The following GRK5 variants were observed in gnomAD, a reference collection of about 807,000 sequenced individuals.
GRK5 encodes g protein-coupled receptor kinase GRK5.
GRK5 carries 40 observed loss-of-function variants against 78.4 expected under a neutral mutation model. That is an observed-to-expected ratio of 0.51 (90% CI 0.40 to 0.66). GRK5 has a LOEUF of 0.66. Among genes scored for constraint, GRK5 ranks in the 30% least tolerant of loss-of-function variants. GRK5 has a pLI of 0.00. For missense variants in GRK5, 598 were observed against 759.9 expected (o/e 0.79, Z 2.50); for synonymous variants, 289 against 296.8 (o/e 0.97, Z 0.27).
At chr10:119,424,786 A>G (rs925283844) in intron 5 of GRK5, among the ~76,000 whole-genome samples, 1 of 152,146 alleles carries the variant, frequency 6.6e-6, no homozygotes, top group Non-Finnish European at 1.5e-5. Flanking sequence ...AGTGCCCAAC[A>G]CTTGGCAGGT....
chr10:119,361,866 C>T (rs1333988891), intron 2 of GRK5, among the ~76,000 whole-genome samples: 1 of 149,146 alleles, frequency 6.7e-6, no homozygotes, highest in East Asian at 2.0e-4. Flanking sequence ...GAGGCTGAGG[C>T]AGGAGAATTG....
In GRK5 at chr10:119,253,548, G is replaced by C. The variant is rs184218746; in HGVS notation, c.52+45579G>C. ...GCTTAGGGTGCTGTGATATGCTTGCGGGATGCTGCCCCACCACGGCTGGAA... is the reference window on the plus strand; with the variant it reads ...GCTTAGGGTGCTGTGATATGCTTGCCGGATGCTGCCCCACCACGGCTGGAA... On this transcript the variant is annotated intron_variant, in intron 1 of 15. Coordinates refer to ENST00000392870, the MANE Select transcript of GRK5 (RefSeq NM_005308.3). The surrounding 1 kb of genome is among the most constrained non-coding windows in gnomAD (Gnocchi z 5.7). 2.5e-3 allele frequency among the ~76,000 whole-genome samples: 380 copies of C among 152,298 alleles called. 2 individuals are homozygous for C. Among genetic ancestry groups the C allele is most frequent in the African/African-American group, 8.5e-3 (353 of 41,568 alleles).
At chr10:119,327,582 G>A (rs559515048) in intron 2 of GRK5, among the ~76,000 whole-genome samples, 2 of 152,318 alleles carry the variant, frequency 1.3e-5, no homozygotes, top group South Asian at 2.1e-4. Context: ...GAGCTGCCCC[G>A]TGCCTGCCCT....
intron 4 of GRK5, among the ~76,000 whole-genome samples, chr10:119,405,318 A>C (rs2133863726): frequency 6.6e-6 from 1 of 152,250 alleles, no homozygotes; most frequent in South Asian, 2.1e-4. Context: ...GTCTGCAGGC[A>C]GGATATTGTT....
intron 1 of GRK5, among the ~76,000 whole-genome samples, chr10:119,263,845 A>G (rs1454716949): frequency 6.6e-6 from 1 of 152,168 alleles, no homozygotes; most frequent in Non-Finnish European, 1.5e-5. Flanking sequence ...GGAGAATGGC[A>G]TGAACCCAGG....
At chr10:119,332,891 A>G (rs1437061505) in intron 2 of GRK5, among the ~76,000 whole-genome samples, 1 of 152,220 alleles carries the variant, frequency 6.6e-6, no homozygotes, top group Non-Finnish European at 1.5e-5. Context: ...GAAGCCTTCT[A>G]AAAAGGAACC....
chr10:119,416,402 A>G (rs1348782013), intron 4 of GRK5, among the ~76,000 whole-genome samples: 5 of 152,322 alleles, frequency 3.3e-5, no homozygotes, highest in East Asian at 3.9e-4. Flanking sequence ...CATTCCTGCC[A>G]GCCGTTCCTG....
chr10:119,256,643 G>A (rs555959624), intron 1 of GRK5, among the ~76,000 whole-genome samples: 4 of 100,364 alleles, frequency 4.0e-5, no homozygotes, highest in South Asian at 3.7e-4. Flanking sequence ...CCCCTCACCC[G>A]TCGCCTCTTT....
At chr10:119,239,971 A>G (rs1283584557) in intron 1 of GRK5, among the ~76,000 whole-genome samples, 1 of 152,140 alleles carries the variant, frequency 6.6e-6, no homozygotes, top group Non-Finnish European at 1.5e-5. Flanking sequence ...CAGTGCTGCA[A>G]TAAACATACG....
intron 2 of GRK5, among the ~76,000 whole-genome samples, chr10:119,342,002 A>G (rs746886845): frequency 7.9e-5 from 12 of 152,156 alleles, no homozygotes; most frequent in African/African-American, 7.2e-5. Flanking sequence ...TCCGACCTCA[A>G]TGGGAGGCGT....
chr10:119,255,222 G>T (rs1849262529), intron 1 of GRK5, among the ~76,000 whole-genome samples: 1 of 152,080 alleles, frequency 6.6e-6, no homozygotes, highest in African/African-American at 2.4e-5. Context: ...CCAGGGAGGG[G>T]TGTGGCACAG....
chr10:119,227,010 C>T (rs1848751115), intron 1 of GRK5, among the ~76,000 whole-genome samples: 1 of 152,128 alleles, frequency 6.6e-6, no homozygotes, highest in African/African-American at 2.4e-5. Context: ...ATGCGCCCGC[C>T]AGCACATCTG....
intron 2 of GRK5, among the ~76,000 whole-genome samples, chr10:119,380,323 G>A (rs189425985): frequency 5.9e-5 from 9 of 152,166 alleles, no homozygotes; most frequent in African/African-American, 1.7e-4. Flanking sequence ...TCCTCATCGC[G>A]GCTTTTCTTG....
At position 119,397,084 on chromosome 10, in the gene GRK5, T is replaced by G. The variant is rs535704210; in HGVS notation, c.339+312T>G. On this transcript the variant is annotated intron_variant, in intron 4 of 15. Transcript: ENST00000392870. ...ATTTGTGGTAGGGCAGATGGAGGCC[T>G]GGCCAAGTTCAGGAGAAGTGCCCAG... 2.4e-4 allele frequency among the ~76,000 whole-genome samples: 36 copies of G among 152,318 alleles called. 1 individual carries two copies. In the South Asian group the frequency reaches 7.2e-3, roughly 31 times the overall value.
Position 119,324,362 on chromosome 10 carries a change from C to T in GRK5, c.53-2154C>T, listed in dbSNP as rs538153739. Among the ~76,000 whole-genome samples the T allele has an allele frequency of 3.3e-5, 5 of 152,342 alleles. No homozygotes were observed. The South Asian group carries it at 1.0e-3, about 32-fold the overall frequency. On this transcript the variant is annotated intron_variant, in intron 1 of 15. Transcript: ENST00000392870. ...TTCCTGCCGGCCAGGTGCAGTGGCT[C>T]ATGCCTGTAATCCCAGCACTTTGGG...
intron 1 of GRK5, among the ~76,000 whole-genome samples, chr10:119,229,564 T>C (rs1022860935): frequency 1.3e-5 from 2 of 152,166 alleles, no homozygotes; most frequent in Admixed American, 6.5e-5. Flanking sequence ...GGGTGTGTAA[T>C]GCTGGCTGGG....
At chr10:119,365,478 A>G (rs371121285) in intron 2 of GRK5, among the ~76,000 whole-genome samples, 161 of 152,332 alleles carry the variant, frequency 1.1e-3, no homozygotes, top group African/African-American at 3.7e-3. Context: ...TTAAAATGCC[A>G]GGTCCTGGGA....
chr10:119,322,991 T>C (rs948363332), intron 1 of GRK5, among the ~76,000 whole-genome samples: 2 of 152,270 alleles, frequency 1.3e-5, no homozygotes, highest in Non-Finnish European at 2.9e-5. Flanking sequence ...AATGAAGTTC[T>C]GACACATGCT....
intron 2 of GRK5, among the ~76,000 whole-genome samples, chr10:119,345,372 A>G (rs1159179955): frequency 6.6e-6 from 1 of 152,034 alleles, no homozygotes; most frequent in African/African-American, 2.4e-5. Flanking sequence ...TGCAGTGTTA[A>G]CTTCCCACTC....
Sources: gnomAD v4.1 joint callset for allele counts (sites outside exome capture counted in the v4.1 genomes callset) on GRCh38, gnomAD v4.1.1 for gene constraint, Gnocchi (gnomAD v3.1) non-coding constraint, MANE v1.5 for transcripts, NCBI Gene and HGNC (gene_info 2026-07-23, HGNC 2026-07-21) for gene names.